The following GRIA4 variants were observed in gnomAD, a reference collection of about 807,000 sequenced individuals.
The protein encoded by GRIA4 is glutamate receptor 4.
A neutral mutation model predicts 104.0 loss-of-function variants in GRIA4; 34 were observed. The observed-to-expected ratio is 0.33, with a 90% confidence interval of 0.25 to 0.44. GRIA4 has a LOEUF of 0.44. Ranked by LOEUF, GRIA4 falls within the 20% of genes least tolerant of loss-of-function variation. GRIA4 has a pLI of 1.00. For synonymous variants in GRIA4, 386 were observed against 381.9 expected, an observed-to-expected ratio of 1.01 and a Z score of -0.13; for missense variants, 750 against 1,096.5, an observed-to-expected ratio of 0.68 and a Z score of 4.46.
chr11:105,658,298 A>T (rs781064349), intron 3 of GRIA4, among the ~76,000 whole-genome samples: 1 of 151,834 alleles, frequency 6.6e-6, no homozygotes, highest in Non-Finnish European at 1.5e-5. Context: ...TAAAGATAAG[A>T]TGAATTTTTG....
chr11:105,629,570 T>A (rs1950979572), intron 3 of GRIA4, among the ~76,000 whole-genome samples: 1 of 152,174 alleles, frequency 6.6e-6, no homozygotes, highest in African/African-American at 2.4e-5. Flanking sequence ...ATTATTTTTC[T>A]TTTGTGTTAT....
chr11:105,878,607 C>T (rs982284080), intron 5 of GRIA4, among the ~76,000 whole-genome samples: 47 of 152,208 alleles, frequency 3.1e-4, no homozygotes, highest in Admixed American at 4.6e-4. Flanking sequence ...TTCAGAGATG[C>T]CCTGTATGGT....
intron 3 of GRIA4, among the ~76,000 whole-genome samples, chr11:105,686,144 GT>G (rs991589894): frequency 1.3e-5 from 2 of 152,072 alleles, no homozygotes. Context: ...TGATGCTGAG[GT>G]TTAGGGTATG....
intron 4 of GRIA4, among the ~76,000 whole-genome samples, chr11:105,822,197 T>G (rs1209385077): frequency 6.6e-6 from 1 of 152,204 alleles, no homozygotes; most frequent in Non-Finnish European, 1.5e-5. Context: ...TGGCATGCAA[T>G]AATAATCAAG....
intron 3 of GRIA4, among the ~76,000 whole-genome samples, chr11:105,694,584 T>A (rs184300881): frequency 2.6e-5 from 4 of 152,254 alleles, no homozygotes; most frequent in Non-Finnish European, 2.9e-5. Flanking sequence ...CTTCAAAATC[T>A]GATGTTTATT....
chr11:105,828,854 T>C (rs961941970), intron 4 of GRIA4, among the ~76,000 whole-genome samples: 2 of 151,998 alleles, frequency 1.3e-5, no homozygotes, highest in African/African-American at 2.4e-5. Context: ...TCCCAAGATA[T>C]AACTTTTGAC....
intron 14 of GRIA4, among the ~76,000 whole-genome samples, chr11:105,963,242 T>C (rs1290547226): frequency 3.9e-5 from 6 of 152,104 alleles, no homozygotes; most frequent in African/African-American, 1.4e-4. Context: ...ATATATGTCA[T>C]TGATGATTTT....
intron 3 of GRIA4, among the ~76,000 whole-genome samples, chr11:105,708,847 G>C (rs546469367): frequency 6.6e-6 from 1 of 151,908 alleles, no homozygotes; most frequent in Admixed American, 6.6e-5. Flanking sequence ...ATTTAATATA[G>C]ACTTAATATT....
chr11:105,705,311 A>C (rs1953654727), intron 3 of GRIA4, among the ~76,000 whole-genome samples: 2 of 152,170 alleles, frequency 1.3e-5, no homozygotes, highest in South Asian at 4.1e-4. Context: ...ATTCAAACAA[A>C]CAAGAAACTG....
In GRIA4 at chr11:105,634,467, G is replaced by GAAA. The variant is rs1491131038; in HGVS notation, c.247+22033_247+22034insAAA. On this transcript the variant is annotated intron_variant, in intron 3 of 16. Transcript: ENST00000282499. ...AAGGAAGGAGAAAGAAAGAAAGAAA[G>GAAA]GGAAAGAAAGAAAGAAAGAAAGAAA... Among the ~76,000 whole-genome samples the GAAA allele has an allele frequency of 2.4e-3, 220 of 90,216 alleles. 2 individuals are homozygous for GAAA. Among genetic ancestry groups the GAAA allele is most frequent in the African/African-American group, 8.6e-3 (196 of 22,748 alleles). 59.2% of individuals were successfully genotyped at this position (90,216 alleles called of 152,430 possible). A position where few individuals can be genotyped will look rare whatever the true frequency, so the allele number is the denominator to read the frequency against.
At chr11:105,932,587 A>C (rs528052987) in intron 13 of GRIA4, among the ~76,000 whole-genome samples, 2 of 152,206 alleles carry the variant, frequency 1.3e-5, no homozygotes, top group Non-Finnish European at 2.9e-5. Context: ...AGTGAGAGTA[A>C]TGTATTAATA....
chr11:105,790,210 C>A lies in GRIA4; in HGVS notation c.487+36990C>A, dbSNP rs147166221. 7.9e-5 allele frequency among the ~76,000 whole-genome samples: 12 copies of A among 152,278 alleles called. No individual in the cohort carries two copies. The East Asian group carries it at 1.9e-3, about 24-fold the overall frequency. ...ACTTCTCCAAATTTTTTTATTCTGT[C>A]TCCCTTTGTACATTCTTTTACTACA... On this transcript the variant is annotated intron_variant, in intron 4 of 16. Transcript: ENST00000282499.
chr11:105,916,859 T>C (rs1459559159), intron 10 of GRIA4, among the ~76,000 whole-genome samples: 1 of 152,186 alleles, frequency 6.6e-6, no homozygotes, highest in Admixed American at 6.6e-5. Flanking sequence ...TTACAGATAG[T>C]AGTTGTACAG....
chr11:105,776,433 T>A (rs1010389316), intron 4 of GRIA4, among the ~76,000 whole-genome samples: 2 of 152,218 alleles, frequency 1.3e-5, no homozygotes, highest in Admixed American at 6.5e-5. Context: ...TAGAACAGTA[T>A]ATTCTTTGTG....
intron 14 of GRIA4, among the ~76,000 whole-genome samples, chr11:105,944,840 AATTAAGAAAAAAAAAATCTCATCTTT>A (rs1166100044): frequency 6.6e-6 from 1 of 152,120 alleles, no homozygotes; most frequent in Non-Finnish European, 1.5e-5. Flanking sequence ...CTTAGAGACA[AATTAAGAAAAAAAAAATCTCATCTTT>A]ATTCATCCTG....
intron 3 of GRIA4, among the ~76,000 whole-genome samples, chr11:105,743,420 C>G (rs1939444945): frequency 6.6e-6 from 1 of 152,096 alleles, no homozygotes; most frequent in Non-Finnish European, 1.5e-5. Flanking sequence ...AAAATTCTAC[C>G]TTCTCTGACT....
chr11:105,646,211 G>T (rs988957091), intron 3 of GRIA4, among the ~76,000 whole-genome samples: 2 of 152,162 alleles, frequency 1.3e-5, no homozygotes, highest in Admixed American at 6.5e-5. Flanking sequence ...ACTAGAAAAT[G>T]TATTTCAATA....
chr11:105,703,465 A>G (rs1345672118), intron 3 of GRIA4, among the ~76,000 whole-genome samples: 1 of 152,158 alleles, frequency 6.6e-6, no homozygotes, highest in Non-Finnish European at 1.5e-5. Flanking sequence ...AGAATTCAAA[A>G]CTAAAAACCA....
At chr11:105,668,102 C>T (rs1196695281) in intron 3 of GRIA4, among the ~76,000 whole-genome samples, 2 of 150,848 alleles carry the variant, frequency 1.3e-5, no homozygotes, top group Non-Finnish European at 3.0e-5. Flanking sequence ...CAGTATTTGT[C>T]TTTCTGTTTC....
Sources: gnomAD v4.1 joint callset for allele counts (sites outside exome capture counted in the v4.1 genomes callset) on GRCh38, gnomAD v4.1.1 for gene constraint, MANE v1.5 for transcripts, NCBI Gene and HGNC (gene_info 2026-07-23, HGNC 2026-07-21) for gene names.